PRDM5: variants seen among roughly 807,000 people sequenced by gnomAD.
PRDM5 encodes PR/SET domain 5, also known as PR domain zinc finger protein 5.
PRDM5 carries 56 observed loss-of-function variants against 81.2 expected under a neutral mutation model. The observed-to-expected ratio is 0.69, with a 90% CI of 0.56 to 0.86. PRDM5 has a LOEUF of 0.86. PRDM5 is among the 40% of genes least tolerant of loss of function. The pLI is 0.00. For synonymous variants in PRDM5, 267 were observed against 256.4 expected (o/e 1.04, Z -0.39); for missense variants, 697 against 770.1 (o/e 0.91, Z 1.12).
chr4:120,748,184 C>T (rs1706840433), intron 14 of PRDM5, among the ~76,000 whole-genome samples: 1 of 152,190 alleles, frequency 6.6e-6, no homozygotes, highest in African/African-American at 2.4e-5. Flanking sequence ...TGGCATTTCT[C>T]TACCTCAGTG....
intron 8 of PRDM5, among the ~76,000 whole-genome samples, chr4:120,800,314 G>A (rs1486185395): frequency 1.3e-5 from 2 of 152,050 alleles, no homozygotes; most frequent in Admixed American, 6.6e-5. Flanking sequence ...CCAGGAGTTC[G>A]AGATCAGCCT....
chr4:120,922,196 G>C (rs545089098), intron 1 of PRDM5, among the ~76,000 whole-genome samples: 1 of 152,332 alleles, frequency 6.6e-6, no homozygotes, highest in African/African-American at 2.4e-5. Context: ...GGAGGCTCCC[G>C]CCGCGCTCAC....
In PRDM5 at chr4:120,921,517, G is replaced by C. The variant is rs76978864; in HGVS notation, c.93+999C>G. 3.0e-3 allele frequency among the ~76,000 whole-genome samples: 459 copies of C among 152,228 alleles called. 2 individuals carry two copies. The highest frequency in any genetic ancestry group is 0.011 in the African/African-American group (437 of 41,540). The stretch of plus-strand genomic sequence containing the variant: ...CAGCTCTTTAGGTCAGAGGCAAAGG[G>C]GAGAGGGTTATATGCAGATGAAAGG... On this transcript the variant is annotated intron_variant, in intron 1 of 15. Transcript: ENST00000264808.
intron 10 of PRDM5, among the ~76,000 whole-genome samples, chr4:120,797,064 A>C (rs1257815136): frequency 6.6e-6 from 1 of 152,208 alleles, no homozygotes; most frequent in Non-Finnish European, 1.5e-5. Flanking sequence ...TTCTGAAACA[A>C]GAACTTGAGC....
At chr4:120,791,662 GACCCTC>G (rs1750588686) in intron 10 of PRDM5, among the ~76,000 whole-genome samples, 1 of 151,938 alleles carries the variant, frequency 6.6e-6, no homozygotes, top group African/African-American at 2.4e-5. Context: ...TTCCAATTCT[GACCCTC>G]ACCCCCTGGC....
In PRDM5 at chr4:120,888,017, C is replaced by T. The variant is rs376004238; in HGVS notation, c.177+19457G>A. On this transcript the variant is annotated intron_variant, in intron 2 of 15. Coordinates refer to ENST00000264808, the MANE Select transcript of PRDM5 (RefSeq NM_018699.4). Reference sequence around the variant, plus strand: ...CCGTTTTAGCCGGGATGGTCTCGATCTCCTGACCTCGTGATCCGCCCGCCT... The same window carrying T: ...CCGTTTTAGCCGGGATGGTCTCGATTTCCTGACCTCGTGATCCGCCCGCCT... Among the ~76,000 whole-genome samples, 217 of 136,594 alleles carry T rather than the reference C, an allele frequency of 1.6e-3. 86 individuals are homozygous for T. Among genetic ancestry groups the T allele is most frequent in the African/African-American group, 6.3e-3 (204 of 32,520 alleles). The allele number at this position is 136,594 out of a possible 152,430, so 89.6% of individuals were successfully genotyped here.
chr4:120,915,154 T>G (rs1723976388), intron 1 of PRDM5, among the ~76,000 whole-genome samples: 1 of 152,048 alleles, frequency 6.6e-6, no homozygotes, highest in South Asian at 2.1e-4. Flanking sequence ...AAATAAAAAA[T>G]ATATAAAAGT....
intron 7 of PRDM5, among the ~76,000 whole-genome samples, chr4:120,815,217 A>G (rs1258817643): frequency 6.6e-6 from 1 of 152,190 alleles, no homozygotes; most frequent in Non-Finnish European, 1.5e-5. Flanking sequence ...AAAACTACGA[A>G]GGCAAGTCTA....
intron 7 of PRDM5, among the ~76,000 whole-genome samples, chr4:120,813,553 C>T (rs1754122511): frequency 6.6e-6 from 1 of 152,132 alleles, no homozygotes; most frequent in African/African-American, 2.4e-5. Context: ...ATTCAAGATG[C>T]CTATTCCATT....
At chr4:120,876,714 A>T (rs1411630248) in intron 2 of PRDM5, among the ~76,000 whole-genome samples, 1 of 152,244 alleles carries the variant, frequency 6.6e-6, no homozygotes, top group Non-Finnish European at 1.5e-5. Context: ...TACCAGAGAT[A>T]CATTTGATGA....
At chr4:120,869,944 G>T (rs1761599126) in intron 2 of PRDM5, among the ~76,000 whole-genome samples, 1 of 152,048 alleles carries the variant, frequency 6.6e-6, no homozygotes, top group African/African-American at 2.4e-5. Flanking sequence ...CTACATGAGA[G>T]CACTGTGTAA....
At chr4:120,908,266 C>T (rs765805521) in intron 1 of PRDM5, among the ~76,000 whole-genome samples, 1 of 152,198 alleles carries the variant, frequency 6.6e-6, no homozygotes, top group African/African-American at 2.4e-5. Context: ...TCTAAAGTGA[C>T]CAAAGCAGGG....
At position 120,811,418 on chromosome 4, in the gene PRDM5, C is replaced by T. The variant is rs1473805476; in HGVS notation, c.897G>A (p.Val299=). 1.9e-6 allele frequency: 3 copies of T among 1,602,196 alleles called. No individual in the cohort carries two copies. The Admixed American group carries it at 5.0e-5, about 27-fold the overall frequency. The change falls in exon 8 of 16, where the codon GTG becomes GTA. Residue 299 remains valine (V), a synonymous_variant. Coordinates refer to ENST00000264808, the MANE Select transcript of PRDM5 (RefSeq NM_018699.4). ...GDPKKKLICS[V]CNKKCSSASS... ...ATGCTGAAGAACACTTTTTATTGCA[C>T]ACTGAACATATAAGCTTTTTCTTAG...
At chr4:120,758,991 G>A (rs939202001) in intron 13 of PRDM5, among the ~76,000 whole-genome samples, 4 of 151,856 alleles carry the variant, frequency 2.6e-5, no homozygotes, top group Admixed American at 2.0e-4. Context: ...TCCTGACCTC[G>A]TCATCCACCC....
intron 3 of PRDM5, among the ~76,000 whole-genome samples, chr4:120,841,899 T>C (rs186718912): frequency 4.9e-4 from 74 of 152,370 alleles, no homozygotes; most frequent in African/African-American, 1.7e-3. Context: ...TGTAATGATA[T>C]AGCCCAGTTC....
intron 14 of PRDM5, among the ~76,000 whole-genome samples, chr4:120,711,130 C>A (rs1011314978): frequency 1.2e-4 from 19 of 152,124 alleles, no homozygotes; most frequent in African/African-American, 4.3e-4. Context: ...CCATAAAAAT[C>A]TACTGAGATA....
intron 15 of PRDM5, among the ~76,000 whole-genome samples, chr4:120,698,739 A>G (rs1293367991): frequency 6.6e-6 from 1 of 152,140 alleles, no homozygotes; most frequent in Non-Finnish European, 1.5e-5. Flanking sequence ...TAAATGTGGC[A>G]GTCAACCTTC....
intron 3 of PRDM5, chr4:120,839,221 G>C: frequency 1.4e-6 from 1 of 702,940 alleles, no homozygotes; most frequent in South Asian, 1.5e-5. Flanking sequence ...TCTCAGTCTT[G>C]TCTGTGTTAC....
chr4:120,821,962 C>G (rs1476758321), intron 3 of PRDM5, among the ~76,000 whole-genome samples: 1 of 144,714 alleles, frequency 6.9e-6, no homozygotes, highest in East Asian at 2.0e-4. Context: ...AAAAAAAAAA[C>G]AAGGTCCACC....
Sources: gnomAD v4.1 joint callset for allele counts (sites outside exome capture counted in the v4.1 genomes callset) on GRCh38, gnomAD v4.1.1 for gene constraint, MANE v1.5 for transcripts, NCBI Gene and HGNC (gene_info 2026-07-23, HGNC 2026-07-21) for gene names.